Variants in DDX25 observed in about 807,000 individuals in gnomAD.
DDX25 encodes the protein ATP-dependent RNA helicase DDX25.
DDX25 carries 70 observed loss-of-function variants against 64.6 expected under a neutral mutation model. The observed-to-expected ratio is 1.08, with a 90% confidence interval of 0.89 to 1.32. The LOEUF (loss-of-function observed/expected upper bound fraction) is 1.32, where lower values mean the gene tolerates loss of function less well. Among genes scored for constraint, DDX25 ranks in the 40% most tolerant of loss-of-function variants. DDX25 has a pLI of 0.00. For synonymous variants in DDX25, 211 were observed against 213.3 expected (o/e 0.99, Z 0.09); for missense variants, 587 against 604.4 (o/e 0.97, Z 0.30).
Position 125,904,538 on chromosome 11 carries a change from AGGCGACGCAGGGGC to A in DDX25, c.26_39del (p.Asp9GlyfsTer23). The A allele has an allele frequency of 6.7e-7, 1 of 1,497,002 alleles. No homozygotes were observed. Among genetic ancestry groups the A allele is most frequent in the Non-Finnish European group, 8.9e-7 (1 of 1,123,910 alleles). 92.7% of individuals were successfully genotyped at this position (1,497,002 alleles called of 1,614,324 possible). On this transcript the variant is annotated frameshift_variant, in exon 1 of 12. Coordinates refer to ENST00000263576, the MANE Select transcript of DDX25 (RefSeq NM_013264.5). LOFTEE classifies it high-confidence loss of function. ...CAGCCATGGCGTCGTTACTGTGGGGAGGCGACGCAGGGGCGGCGGAGAGCGAGCGGCTGAACAGC... is the reference window on the plus strand; with the variant it reads ...CAGCCATGGCGTCGTTACTGTGGGGAGGCGGAGAGCGAGCGGCTGAACAGC...
At chr11:125,906,321 A>AT (rs34692223) in intron 4 of DDX25, 112 bp downstream of exon 4, 51,114 of 962,266 alleles carry the variant, frequency 0.053, no homozygotes, top group South Asian at 0.077. Flanking sequence ...GATATTCAAT[A>AT]TTTTTTTTTG....
intron 10 of DDX25, 81 bp downstream of exon 10, chr11:125,918,871 T>C: frequency 7.0e-7 from 1 of 1,424,816 alleles, no homozygotes; most frequent in African/African-American, 1.4e-5. Context: ...TTTCGCGAGT[T>C]TCGACAAACA....
At chr11:125,913,202 A>G (rs1467806545) in intron 8 of DDX25, among the ~76,000 whole-genome samples, 2 of 151,012 alleles carry the variant, frequency 1.3e-5, no homozygotes, top group African/African-American at 2.4e-5. Context: ...TTTCCTGCCA[A>G]TATTCCAAGC....
In DDX25 at chr11:125,923,762, G is replaced by A. The variant is rs1945142417; in HGVS notation, c.*881G>A. On this transcript the variant is annotated 3_prime_UTR_variant, in exon 12 of 12. Coordinates refer to ENST00000263576, the MANE Select transcript of DDX25 (RefSeq NM_013264.5). ...AAGTGTAGTGAGCTTGAGAAGATGG[G>A]GTAAATGGAGAGTCCCCCAGAAAGC... The A allele has an allele frequency of 6.6e-6, 1 of 152,084 alleles. No homozygotes were observed. The allele number at this position is 152,084 out of a possible 1,614,324, so 9.4% of individuals were successfully genotyped here. A position where few individuals can be genotyped will look rare whatever the true frequency, so the allele number is the denominator to read the frequency against.
Position 125,927,019 on chromosome 11 carries a change from TGTGTTGCCTG to T in DDX25, c.*4143_*4152del, listed in dbSNP as rs1945174236. 1 of 152,412 alleles carries T rather than the reference TGTGTTGCCTG, an allele frequency of 6.6e-6. No individual in the cohort carries two copies. The allele number at this position is 152,412 out of a possible 1,614,324, so 9.4% of individuals were successfully genotyped here. Reference sequence around the variant, plus strand: ...CACACCCTCCTTCGCTGCCCCTCACTGTGTTGCCTGGTGTCTGCCTGAAGAGATGCAGTTT... The same window carrying T: ...CACACCCTCCTTCGCTGCCCCTCACTGTGTCTGCCTGAAGAGATGCAGTTT... On this transcript the variant is annotated 3_prime_UTR_variant, in exon 12 of 12. Transcript: ENST00000263576.
At chr11:125,904,819 G>T (rs1298766818) in intron 1 of DDX25, 1 of 584,678 alleles carries the variant, frequency 1.7e-6, no homozygotes, top group East Asian at 3.0e-5. Flanking sequence ...GAAATCCAGG[G>T]TGGGAACGCA....
intron 4 of DDX25, among the ~76,000 whole-genome samples, chr11:125,906,749 C>T (rs1944893689): frequency 6.9e-6 from 1 of 145,898 alleles, no homozygotes; most frequent in Non-Finnish European, 1.5e-5. Context: ...TCGCCTGAAC[C>T]CAGGAGGCAG....
chr11:125,923,590 A>T lies in DDX25; in HGVS notation c.*709A>T, dbSNP rs199746551. 6.8e-6 allele frequency: 1 copy of T among 147,070 alleles called. No individual in the cohort carries two copies. Among genetic ancestry groups the T allele is most frequent in the African/African-American group, 2.5e-5 (1 of 39,758 alleles). The allele number at this position is 147,070 out of a possible 1,614,324, so 9.1% of individuals were successfully genotyped here. A position where few individuals can be genotyped will look rare whatever the true frequency, so the allele number is the denominator to read the frequency against. On this transcript the variant is annotated 3_prime_UTR_variant, in exon 12 of 12. Transcript: ENST00000263576. ...AAGCAGTCGGGAGGGTAAAAAAAAA[A>T]CCCACATACCCTATTAAAGAAGTAA... is the stretch of plus-strand genomic sequence containing the variant.
upstream of DDX25, chr11:125,904,473 C>T (rs554922129): frequency 1.4e-6 from 2 of 1,450,986 alleles, no homozygotes; most frequent in African/African-American, 1.5e-5. Flanking sequence ...CGCCTCGCGC[C>T]GGTGGTGGAA....
intron 8 of DDX25, among the ~76,000 whole-genome samples, chr11:125,912,520 A>AT (rs1944979641): frequency 6.6e-6 from 1 of 152,232 alleles, no homozygotes; most frequent in Non-Finnish European, 1.5e-5. Context: ...ATTTGCATGT[A>AT]ACTTATACAC....
rs750858109 is a variant in DDX25 at position 125,908,488 on chromosome 11, G to A, written c.492G>A (p.Leu164=). The change falls in exon 6 of 12, where the codon TTG becomes TTA. Residue 164 remains leucine (L), a synonymous_variant. Transcript: ENST00000263576. ...CAATGTTAAGCAGAGTTAATGCCTT[G>A]GAATTGTTCCCACAGGTAAGGGAAG... ...VLAMLSRVNA[L]ELFPQCLCLA... is the part of the protein sequence containing the mutation. 6 of 1,613,378 alleles carry A rather than the reference G, an allele frequency of 3.7e-6. No individual in the cohort carries two copies. Among genetic ancestry groups the A allele is most frequent in the South Asian group, 2.2e-5 (2 of 91,080 alleles).
At position 125,923,488 on chromosome 11, in the gene DDX25, T is replaced by G. The variant is rs1387813868; in HGVS notation, c.*607T>G. On this transcript the variant is annotated 3_prime_UTR_variant, in exon 12 of 12. Coordinates refer to ENST00000263576, the MANE Select transcript of DDX25 (RefSeq NM_013264.5). ...AGAGTATTTTTCTATTTTGCTTCTCTTCAAATTAAAGATTTACTCCCTCAT... is the reference window on the plus strand; with the variant it reads ...AGAGTATTTTTCTATTTTGCTTCTCGTCAAATTAAAGATTTACTCCCTCAT... 6.6e-6 allele frequency: 1 copy of G among 152,240 alleles called. No individual in the cohort carries two copies. Among genetic ancestry groups the G allele is most frequent in the Non-Finnish European group, 1.5e-5 (1 of 68,056 alleles). 9.4% of individuals were successfully genotyped at this position (152,240 alleles called of 1,614,324 possible). A position where few individuals can be genotyped will look rare whatever the true frequency, so the allele number is the denominator to read the frequency against.
Position 125,908,177 on chromosome 11 carries a change from TG to T in DDX25, c.312-18del. On this transcript the variant is annotated intron_variant, in intron 4 of 11. Coordinates refer to ENST00000263576, the MANE Select transcript of DDX25 (RefSeq NM_013264.5). ...TGACCAACTATAATCTGTAAGTGTT[TG>T]ATTTTTTTTTTTGACAGAAAGGAAG... The T allele has an allele frequency of 6.7e-7, 1 of 1,494,052 alleles. No homozygotes were observed. The highest frequency in any genetic ancestry group is 8.9e-7 in the Non-Finnish European group (1 of 1,126,164). The allele number at this position is 1,494,052 out of a possible 1,614,324, so 92.5% of individuals were successfully genotyped here.
upstream of DDX25, chr11:125,904,363 A>T (rs1944843532): frequency 1.6e-6 from 1 of 620,450 alleles, no homozygotes; most frequent in Non-Finnish European, 2.4e-6. Context: ...CGCGCCACCC[A>T]GCCTTCCAGC....
chr11:125,918,548 G>T, intron 9 of DDX25, 80 bp from the exon 10 acceptor site: 2 of 1,496,562 alleles, frequency 1.3e-6, no homozygotes, highest in Non-Finnish European at 1.8e-6. Flanking sequence ...CCCCCGCCCT[G>T]CATGCATGGT....
In DDX25 at chr11:125,917,148, TC is replaced by T. The variant is rs749542725; in HGVS notation, c.937del (p.Arg313GlyfsTer42). 6.2e-7 allele frequency: 1 copy of T among 1,611,198 alleles called. No individual in the cohort carries two copies. The highest frequency in any genetic ancestry group is 1.7e-5 in the Admixed American group (1 of 59,656). Reference protein sequence around the residue: ...LRKEELTLNNIRQYYVLCEHR... With the variant: ...LRKEELTLNNXRQYYVLCEHR... ...AAAGAGGAGCTCACACTGAACAACATCCGGCAATATTACGTGCTGTGTGAGC... is the reference window on the plus strand; with the variant it reads ...AAAGAGGAGCTCACACTGAACAACATCGGCAATATTACGTGCTGTGTGAGC... On this transcript the variant is annotated frameshift_variant, in exon 9 of 12. Coordinates refer to ENST00000263576, the MANE Select transcript of DDX25 (RefSeq NM_013264.5). LOFTEE classifies it high-confidence loss of function.
intron 7 of DDX25, 116 bp from the exon 8 acceptor site, chr11:125,911,195 G>A (rs1944962732): frequency 3.9e-6 from 4 of 1,031,318 alleles, no homozygotes; most frequent in Non-Finnish European, 5.1e-6. Context: ...GTTTCCACTT[G>A]GAAAATTATT....
In DDX25 at chr11:125,906,209, TGTGA is replaced by T. The variant is rs1204531968; in HGVS notation, c.311+3_311+6del. The T allele has an allele frequency of 1.2e-5, 18 of 1,534,460 alleles. No individual in the cohort carries two copies. Among genetic ancestry groups the T allele is most frequent in the East Asian group, 4.9e-5 (2 of 40,674 alleles). ...GTAAAGACATTTGAAGAGCTGCGGC[TGTGA>T]GTATTTTTACTCTTTTAATATGGGA... is the stretch of plus-strand genomic sequence containing the variant. On this transcript the variant is annotated splice_donor_variant and splice_donor_region_variant and intron_variant, in intron 4 of 11. Coordinates refer to ENST00000263576, the MANE Select transcript of DDX25 (RefSeq NM_013264.5). LOFTEE classifies it high-confidence loss of function.
chr11:125,917,305 T>C, intron 9 of DDX25, 54 bp downstream of exon 9: 1 of 1,515,306 alleles, frequency 6.6e-7, no homozygotes, highest in Non-Finnish European at 8.9e-7. Context: ...CAGGCCGAGG[T>C]GGGGGACGAC....
Sources: allele counts gnomAD v4.1 joint callset (sites outside exome capture counted in the v4.1 genomes callset), GRCh38; gene constraint gnomAD v4.1.1; transcripts MANE v1.5; gene names NCBI Gene and HGNC (gene_info 2026-07-23, HGNC 2026-07-21).